RABGAP1L: variants seen among roughly 807,000 people sequenced by gnomAD.
RABGAP1L encodes rab GTPase-activating protein 1-like.
In RABGAP1L, 63 loss-of-function variants were observed where a neutral mutation model predicts 137.7. The observed-to-expected ratio is 0.46, with a 90% CI of 0.37 to 0.56. The LOEUF (loss-of-function observed/expected upper bound fraction) is 0.56. Among genes scored for constraint, RABGAP1L ranks in the 20% least tolerant of loss-of-function variants. The pLI, the probability that RABGAP1L is intolerant of heterozygous loss-of-function variation, is 0.00. For missense variants in RABGAP1L, 1,095 were observed against 1,244.0 expected, an observed-to-expected ratio of 0.88 and a Z score of 1.80; for synonymous variants, 431 against 433.7, an observed-to-expected ratio of 0.99 and a Z score of 0.08.
intron 18 of RABGAP1L, among the ~76,000 whole-genome samples, chr1:174,792,594 C>T (rs563510077): frequency 4.6e-5 from 7 of 152,236 alleles, no homozygotes; most frequent in Non-Finnish European, 7.4e-5. Flanking sequence ...GATAAGTTTA[C>T]GGCACTGATA....
chr1:174,991,827 C>T lies in RABGAP1L; in HGVS notation c.*1826C>T, dbSNP rs1045849656. On this transcript the variant is annotated 3_prime_UTR_variant, in exon 26 of 26. Coordinates refer to ENST00000681986, the MANE Select transcript of RABGAP1L (RefSeq NM_001366446.1). ...TAATAGCTAGAAAATGTTATCTTGG[C>T]GCTTGTTTTTGTAAATCATTTAGTA... 35 of 145,118 alleles carry T rather than the reference C, an allele frequency of 2.4e-4. No homozygotes were observed. Among genetic ancestry groups the T allele is most frequent in the African/African-American group, 7.9e-4 (31 of 39,276 alleles). 9.0% of individuals were successfully genotyped at this position (145,118 alleles called of 1,614,324 possible).
At chr1:174,709,306 T>G (rs572930524) in intron 17 of RABGAP1L, among the ~76,000 whole-genome samples, 55 of 152,204 alleles carry the variant, frequency 3.6e-4, no homozygotes, top group Non-Finnish European at 7.2e-4. Context: ...GATCTCCCAG[T>G]ACAGTGCTCG....
chr1:174,947,376 G>A (rs538329542), intron 19 of RABGAP1L, among the ~76,000 whole-genome samples: 14 of 150,378 alleles, frequency 9.3e-5, no homozygotes, highest in Admixed American at 3.3e-4. Flanking sequence ...GATTACAGGC[G>A]TGAGCTACCA....
intron 10 of RABGAP1L, among the ~76,000 whole-genome samples, chr1:174,280,519 A>C (rs1319967243): frequency 1.3e-5 from 2 of 152,222 alleles, no homozygotes; most frequent in Non-Finnish European, 2.9e-5. Flanking sequence ...ACCAAAGTAC[A>C]TGAGATGCCC....
intron 18 of RABGAP1L, among the ~76,000 whole-genome samples, chr1:174,808,204 G>A (rs775814125): frequency 6.6e-6 from 1 of 151,844 alleles, no homozygotes; most frequent in Non-Finnish European, 1.5e-5. Flanking sequence ...AGCCAGGATG[G>A]TCTCAATCTC....
intron 4 of RABGAP1L, among the ~76,000 whole-genome samples, chr1:174,233,089 G>A (rs1670823695): frequency 6.6e-6 from 1 of 152,146 alleles, no homozygotes; most frequent in Non-Finnish European, 1.5e-5. Flanking sequence ...CATGGTGGAA[G>A]AGAGTGTAAG....
intron 19 of RABGAP1L, chr1:174,892,360 A>G (rs1266304355): frequency 5.5e-6 from 2 of 362,498 alleles, no homozygotes; most frequent in East Asian, 1.6e-4. Context: ...CTGGAGAGTC[A>G]GAGGGAGAAA....
At chr1:174,310,425 G>T (rs1678716074) in intron 11 of RABGAP1L, among the ~76,000 whole-genome samples, 1 of 152,118 alleles carries the variant, frequency 6.6e-6, no homozygotes, top group Non-Finnish European at 1.5e-5. Context: ...TGTATATTGT[G>T]CAGTTGTTAG....
intron 13 of RABGAP1L, among the ~76,000 whole-genome samples, chr1:174,563,521 T>TG (rs1667364093): frequency 1.3e-5 from 2 of 152,132 alleles, no homozygotes; most frequent in Admixed American, 1.3e-4. Context: ...TATTAAAACT[T>TG]GCAAGGACTA....
intron 13 of RABGAP1L, among the ~76,000 whole-genome samples, chr1:174,484,893 T>A (rs1289788853): frequency 1.3e-5 from 2 of 152,220 alleles, no homozygotes; most frequent in Non-Finnish European, 2.9e-5. Flanking sequence ...GTGAAGAATA[T>A]CTTTGGTATT....
At chr1:174,494,085 A>G (rs1660524237) in intron 13 of RABGAP1L, among the ~76,000 whole-genome samples, 4 of 152,172 alleles carry the variant, frequency 2.6e-5, no homozygotes, top group Admixed American at 6.5e-5. Flanking sequence ...AACATCGTGT[A>G]TAGTTTTTTA....
At chr1:174,790,453 G>A (rs1031377162) in intron 18 of RABGAP1L, among the ~76,000 whole-genome samples, 2 of 151,766 alleles carry the variant, frequency 1.3e-5, no homozygotes, top group African/African-American at 4.8e-5. Flanking sequence ...GTGAAACCCC[G>A]TCTCTACTAA....
intron 13 of RABGAP1L, among the ~76,000 whole-genome samples, chr1:174,611,937 C>T (rs910972823): frequency 2.6e-5 from 4 of 152,190 alleles, no homozygotes; most frequent in African/African-American, 9.7e-5. Context: ...AGTTGCTTAT[C>T]AGCTTAAGGA....
chr1:174,909,320 C>A (rs982520501), intron 19 of RABGAP1L, among the ~76,000 whole-genome samples: 2 of 152,082 alleles, frequency 1.3e-5, no homozygotes, highest in Admixed American at 1.3e-4. Context: ...ACCTCCCAGG[C>A]TCAAGTGATC....
intron 19 of RABGAP1L, among the ~76,000 whole-genome samples, chr1:174,938,188 C>T (rs1484953614): frequency 6.6e-6 from 1 of 152,168 alleles, no homozygotes. Context: ...AGGTATACCT[C>T]ACTACTTGAA....
At chr1:174,754,045 T>G (rs1292192940) in intron 18 of RABGAP1L, among the ~76,000 whole-genome samples, 1 of 152,208 alleles carries the variant, frequency 6.6e-6, no homozygotes, top group Non-Finnish European at 1.5e-5. Flanking sequence ...ACATGTTGAC[T>G]TGTTCATATT....
chr1:174,396,367 A>G (rs1647852422), intron 13 of RABGAP1L, among the ~76,000 whole-genome samples: 1 of 152,148 alleles, frequency 6.6e-6, no homozygotes, highest in Admixed American at 6.6e-5. Context: ...AAAGATCCAT[A>G]TTCAATATTG....
intron 14 of RABGAP1L, among the ~76,000 whole-genome samples, chr1:174,668,915 G>T (rs1676975856): frequency 6.6e-6 from 1 of 152,050 alleles, no homozygotes; most frequent in African/African-American, 2.4e-5. Context: ...TTTAAGGCAT[G>T]TCTATTCACA....
intron 13 of RABGAP1L, among the ~76,000 whole-genome samples, chr1:174,482,236 T>G (rs992668941): frequency 1.3e-5 from 2 of 152,206 alleles, no homozygotes; most frequent in African/African-American, 2.4e-5. Flanking sequence ...GCAGCTGATG[T>G]GTTGATTTTA....
Sources: allele counts gnomAD v4.1 joint callset (sites outside exome capture counted in the v4.1 genomes callset), GRCh38; gene constraint gnomAD v4.1.1; transcripts MANE v1.5; gene names NCBI Gene and HGNC (gene_info 2026-07-23, HGNC 2026-07-21).